Variants in GABRA1 observed in about 807,000 individuals in gnomAD.
The protein encoded by GABRA1 is gamma-aminobutyric acid type A receptor subunit alpha1, also known as gamma-aminobutyric acid receptor subunit alpha-1.
In GABRA1, 9 loss-of-function variants were observed where a neutral mutation model predicts 48.9. That is an observed-to-expected ratio of 0.18 (90% CI 0.11 to 0.32). GABRA1 has a LOEUF of 0.32. Among genes scored for constraint, GABRA1 ranks in the 10% least tolerant of loss-of-function variants. The pLI is 1.00. For synonymous variants in GABRA1, 210 were observed against 198.7 expected, an observed-to-expected ratio of 1.06 and a Z score of -0.48; for missense variants, 285 against 553.8, an observed-to-expected ratio of 0.51 and a Z score of 4.87.
chr5:161,848,505 C>CGGGGGGGGGGGGG (rs35469580), intron 1 of GABRA1, 83 bp downstream of exon 1: 3 of 30,702 alleles, frequency 9.8e-5, no homozygotes, highest in East Asian at 1.5e-3. Flanking sequence ...ATGTTATAGT[C>CGGGGGGGGGGGGG]GGGGGGGGGG....
chr5:161,865,908 C>A, intron 4 of GABRA1, 120 bp downstream of exon 4: 2 of 777,426 alleles, frequency 2.6e-6, no homozygotes, highest in Middle Eastern at 2.5e-4. Context: ...ACTTTTGTGT[C>A]TTTCTGTGTG....
At chr5:161,854,071 A>G (rs1757550348) in intron 2 of GABRA1, 87 bp from the exon 3 acceptor site, 1 of 696,464 alleles carries the variant, frequency 1.4e-6, no homozygotes, top group Non-Finnish European at 2.5e-6. Context: ...AAACCAAAGT[A>G]GAAAAACTGA....
rs78782356 is a variant in GABRA1, at chr5:161,895,648, T to C, written c.857-18T>C. ...CAGTATGAACTGGCATCATGTATGT[T>C]TTTTTTTTTCTTTACAGGAGTAACA... is the stretch of plus-strand genomic sequence containing the variant. On this transcript the variant is annotated intron_variant, in intron 8 of 9. Transcript: ENST00000393943. 0.064 allele frequency: 101,645 copies of C among 1,595,954 alleles called. 3,487 individuals carry two copies. The highest frequency in any genetic ancestry group is 0.13 in the Middle Eastern group (781 of 6,030).
At chr5:161,892,700 A>AAC (rs1340275323) in intron 8 of GABRA1, among the ~76,000 whole-genome samples, 2 of 144,370 alleles carry the variant, frequency 1.4e-5, no homozygotes, top group African/African-American at 2.5e-5. Flanking sequence ...CAAACAAACA[A>AAC]AAACAAACAA....
intron 4 of GABRA1, 109 bp from the exon 5 acceptor site, chr5:161,873,008 G>A (rs1754190079): frequency 1.2e-6 from 1 of 811,284 alleles, no homozygotes; most frequent in South Asian, 1.4e-5. Context: ...ACATCACCTA[G>A]CTAACATTAT....
chr5:161,870,819 G>T lies in GABRA1; in HGVS notation c.256-2298G>T, dbSNP rs182140335. ...CACACAGGGAGAGTTCTCAGAAATG[G>T]GAGACCAAATATTTACACTGTTGGT... On this transcript the variant is annotated intron_variant, in intron 4 of 9. Coordinates refer to ENST00000393943, the MANE Select transcript of GABRA1 (RefSeq NM_001127644.2). Among the ~76,000 whole-genome samples the T allele has an allele frequency of 3.3e-5, 5 of 152,174 alleles. 1 individual carries two copies. In the East Asian group the frequency reaches 9.7e-4, roughly 29 times the overall value.
At chr5:161,894,385 T>A (rs1755265813) in intron 8 of GABRA1, among the ~76,000 whole-genome samples, 1 of 152,194 alleles carries the variant, frequency 6.6e-6, no homozygotes, top group Admixed American at 6.5e-5. Flanking sequence ...AGCCTGAATT[T>A]ACAAGTCATT....
At chr5:161,886,676 C>T (rs11954343) in intron 7 of GABRA1, among the ~76,000 whole-genome samples, 56,113 of 151,500 alleles carry the variant, frequency 0.37, 10,647 homozygotes, top group East Asian at 0.53. Flanking sequence ...CTTGGGAGGC[C>T]AAGATGGGAG....
intron 6 of GABRA1, among the ~76,000 whole-genome samples, chr5:161,876,732 C>T (rs1207786659): frequency 6.6e-6 from 1 of 152,036 alleles, no homozygotes; most frequent in African/African-American, 2.4e-5. Flanking sequence ...ATATACATTC[C>T]TTAATATGAA....
At chr5:161,863,496 G>T (rs923696788) in intron 3 of GABRA1, among the ~76,000 whole-genome samples, 1 of 152,042 alleles carries the variant, frequency 6.6e-6, no homozygotes, top group African/African-American at 2.4e-5. Context: ...CCAGATCTCA[G>T]GTGAACTCAG....
At position 161,850,887 on chromosome 5, in the gene GABRA1, G is replaced by A; in HGVS notation, c.74+3G>A. 6.2e-7 allele frequency: 1 copy of A among 1,612,544 alleles called. No homozygotes were observed. Among genetic ancestry groups the A allele is most frequent in the Non-Finnish European group, 8.5e-7 (1 of 1,178,636 alleles). On this transcript the variant is annotated splice_donor_region_variant and intron_variant, in intron 2 of 9. Coordinates refer to ENST00000393943, the MANE Select transcript of GABRA1 (RefSeq NM_001127644.2). ...CTGAGCACACTGACTGGAAGAAGGT[G>A]GGGACACTTTTTTAAAAATCTGCAT...
intron 4 of GABRA1, among the ~76,000 whole-genome samples, chr5:161,871,273 T>A (rs1754110352): frequency 6.6e-6 from 1 of 152,152 alleles, no homozygotes; most frequent in African/African-American, 2.4e-5. Context: ...AAGGCTCGAT[T>A]CATGGGAACG....
In GABRA1 at chr5:161,857,046, CT is replaced by C. The variant is rs545410793; in HGVS notation, c.187+2784del. On this transcript the variant is annotated intron_variant, in intron 3 of 9. Coordinates refer to ENST00000393943, the MANE Select transcript of GABRA1 (RefSeq NM_001127644.2). ...TTGCAAAACAGACCCTCCCTTTTTACTTTTTTTTATAGGAGCCATTTGCCTC... is the reference window on the plus strand; with the variant it reads ...TTGCAAAACAGACCCTCCCTTTTTACTTTTTTTATAGGAGCCATTTGCCTC... Among the ~76,000 whole-genome samples the C allele has an allele frequency of 4.7e-3, 708 of 150,596 alleles. 2 individuals are homozygous for C. Among genetic ancestry groups the C allele is most frequent in the Middle Eastern group, 0.01 (3 of 294 alleles).
chr5:161,891,792 G>A (rs1427915210), intron 8 of GABRA1, among the ~76,000 whole-genome samples: 3 of 152,170 alleles, frequency 2.0e-5, no homozygotes, highest in Admixed American at 6.5e-5. Flanking sequence ...ATATCTTCTA[G>A]ACACAGAAAG....
At chr5:161,856,651 A>G (rs890379878) in intron 3 of GABRA1, among the ~76,000 whole-genome samples, 1 of 148,920 alleles carries the variant, frequency 6.7e-6, no homozygotes, top group Non-Finnish European at 1.5e-5. Flanking sequence ...TATGAAAAAA[A>G]CTTTGATACT....
intron 3 of GABRA1, among the ~76,000 whole-genome samples, chr5:161,861,211 A>C (rs778483665): frequency 6.6e-6 from 1 of 151,782 alleles, no homozygotes; most frequent in Non-Finnish European, 1.5e-5. Context: ...AATTTTGATC[A>C]AGACTTATAC....
intron 7 of GABRA1, 53 bp downstream of exon 7, chr5:161,882,754 T>C: frequency 2.0e-6 from 3 of 1,534,128 alleles, no homozygotes; most frequent in Non-Finnish European, 1.8e-6. Context: ...AATAATATTT[T>C]GTGAGAACTC....
chr5:161,862,209 C>A (rs990866643), intron 3 of GABRA1, among the ~76,000 whole-genome samples: 1 of 151,756 alleles, frequency 6.6e-6, no homozygotes, highest in African/African-American at 2.4e-5. Flanking sequence ...CCTACTGCAT[C>A]AAAATAAAGG....
chr5:161,860,051 T>G (rs1581184300), intron 3 of GABRA1, among the ~76,000 whole-genome samples: 1 of 152,010 alleles, frequency 6.6e-6, no homozygotes, highest in Admixed American at 6.6e-5. Flanking sequence ...AGAAATACTG[T>G]ACCTAGACAT....
Sources: allele counts gnomAD v4.1 joint callset (sites outside exome capture counted in the v4.1 genomes callset), GRCh38; gene constraint gnomAD v4.1.1; transcripts MANE v1.5; gene names NCBI Gene and HGNC (gene_info 2026-07-23, HGNC 2026-07-21).